PSD3: variants seen among roughly 807,000 people sequenced by gnomAD.
The protein encoded by PSD3 is pleckstrin and Sec7 domain containing 3.
In PSD3, 49 loss-of-function variants were observed where a neutral mutation model predicts 105.5. The ratio of observed to expected loss-of-function variants is 0.46; its 90% CI spans 0.37 to 0.59. PSD3 has a LOEUF of 0.59. Ranked by LOEUF, PSD3 falls within the 20% of genes least tolerant of loss-of-function variation. The probability of loss-of-function intolerance (pLI) is 0.00; values close to 1 mark genes in which losing one functional copy is unlikely to be tolerated. For missense variants in PSD3, 1,561 were observed against 1,263.8 expected (o/e 1.24, Z -3.57); for synonymous variants, 557 against 457.8 (o/e 1.22, Z -2.77).
intron 11 of PSD3, among the ~76,000 whole-genome samples, chr8:18,612,972 G>A (rs574482984): frequency 4.6e-5 from 7 of 152,062 alleles, no homozygotes; most frequent in African/African-American, 1.2e-4. Flanking sequence ...ATTACTAGAC[G>A]TGCAGGAAGA....
intron 4 of PSD3, among the ~76,000 whole-genome samples, chr8:18,815,250 T>C (rs890412215): frequency 2.6e-5 from 4 of 152,186 alleles, no homozygotes; most frequent in Non-Finnish European, 5.9e-5. Context: ...GGTTATATAA[T>C]GTCCAAATTT....
At chr8:18,892,626 CTTTT>C (rs111896561) in intron 2 of PSD3, among the ~76,000 whole-genome samples, 4 of 133,080 alleles carry the variant, frequency 3.0e-5, no homozygotes, top group Admixed American at 7.7e-5. Flanking sequence ...TCCTAATTTT[CTTTT>C]TTTTTTTTTT....
chr8:18,799,236 A>G (rs957496783), intron 8 of PSD3, 59 bp downstream of exon 8: 89 of 1,430,968 alleles, frequency 6.2e-5, no homozygotes, highest in Non-Finnish European at 8.4e-5. Flanking sequence ...GTGTTTGAAC[A>G]TAAAAGCAGA....
At position 19,078,933 on chromosome 8, in the gene PSD3, T is replaced by C. The variant is rs1041193167; in HGVS notation, c.324+5273A>G. On this transcript the variant is annotated intron_variant, in intron 1 of 1. Coordinates refer to the PSD3 transcript ENST00000521475. The stretch of plus-strand genomic sequence containing the variant: ...GAGGAGAGATGAAAAACAAGACCTA[T>C]TGGAGTTGCATTGAGCCCCTGTGTC... 4.6e-5 allele frequency among the ~76,000 whole-genome samples: 7 copies of C among 150,970 alleles called. No homozygotes were observed. The South Asian group carries it at 6.3e-4, about 14-fold the overall frequency.
At chr8:18,538,123 G>C (rs997155586) in intron 15 of PSD3, among the ~76,000 whole-genome samples, 1 of 152,210 alleles carries the variant, frequency 6.6e-6, no homozygotes, top group Non-Finnish European at 1.5e-5. Flanking sequence ...TTGACATGAT[G>C]AGCTGGATCC....
chr8:18,874,702 CAAA>C (rs746055038), intron 2 of PSD3, among the ~76,000 whole-genome samples: 2 of 52,828 alleles, frequency 3.8e-5, no homozygotes. Context: ...GACTCCATCT[CAAA>C]AAAAAAAAAA....
At chr8:18,781,582 T>C (rs1371659607) in intron 8 of PSD3, among the ~76,000 whole-genome samples, 2 of 152,210 alleles carry the variant, frequency 1.3e-5, no homozygotes, top group African/African-American at 4.8e-5. Context: ...GCTATTAGTG[T>C]GATAGGGATA....
chr8:18,886,566 A>C (rs958211179), intron 2 of PSD3, among the ~76,000 whole-genome samples: 2 of 152,162 alleles, frequency 1.3e-5, no homozygotes, highest in South Asian at 4.1e-4. Context: ...GATATATAAA[A>C]ATATATTTGC....
chr8:18,616,618 C>CTTTTTTTTTTTTTT (rs36197855), intron 11 of PSD3, among the ~76,000 whole-genome samples: 3 of 72,320 alleles, frequency 4.1e-5, no homozygotes, highest in African/African-American at 9.4e-5. Flanking sequence ...ATCTTCCTCT[C>CTTTTTTTTTTTTTT]TTTTCTTTTC....
At chr8:18,769,211 G>C (rs1807282417) in intron 8 of PSD3, among the ~76,000 whole-genome samples, 1 of 152,156 alleles carries the variant, frequency 6.6e-6, no homozygotes, top group Non-Finnish European at 1.5e-5. Flanking sequence ...CTTTTTCCAA[G>C]TCAGGTGGTG....
intron 2 of PSD3, among the ~76,000 whole-genome samples, chr8:18,901,886 G>A (rs1819525630): frequency 6.6e-6 from 1 of 152,162 alleles, no homozygotes; most frequent in Non-Finnish European, 1.5e-5. Flanking sequence ...TTTCTGCAGA[G>A]AAATGTGCTA....
At chr8:19,040,078 C>T (rs1323021894) in intron 1 of PSD3, among the ~76,000 whole-genome samples, 1 of 152,188 alleles carries the variant, frequency 6.6e-6, no homozygotes, top group Non-Finnish European at 1.5e-5. Flanking sequence ...TGAACGGAAA[C>T]AGCCTTTCAG....
intron 2 of PSD3, among the ~76,000 whole-genome samples, chr8:18,920,664 C>A (rs1038268604): frequency 6.6e-6 from 1 of 152,100 alleles, no homozygotes. Flanking sequence ...TCATTAGAAA[C>A]ATATTTTTCT....
At chr8:19,014,748 T>A (rs547198687), upstream of PSD3, among the ~76,000 whole-genome samples, 7 of 152,314 alleles carry the variant, frequency 4.6e-5, no homozygotes, top group South Asian at 1.2e-3. This position sits in a 1 kb window ranked among gnomAD's most constrained non-coding sequence, Gnocchi z 4.9. Context: ...GGTTCCCTGG[T>A]GGCCCCACGA....
intron 9 of PSD3, among the ~76,000 whole-genome samples, chr8:18,747,254 C>A (rs918935872): frequency 6.6e-6 from 1 of 152,130 alleles, no homozygotes; most frequent in African/African-American, 2.4e-5. Flanking sequence ...GTTAACGACA[C>A]TGGAAGGATC....
chr8:18,626,739 G>A (rs1369019492), intron 11 of PSD3, among the ~76,000 whole-genome samples: 1 of 152,092 alleles, frequency 6.6e-6, no homozygotes, highest in Non-Finnish European at 1.5e-5. Flanking sequence ...TTCCAAGAAG[G>A]AGCAGCAGCC....
At chr8:18,707,727 C>G (rs1010664217) in intron 9 of PSD3, among the ~76,000 whole-genome samples, 1 of 152,094 alleles carries the variant, frequency 6.6e-6, no homozygotes, top group Non-Finnish European at 1.5e-5. Flanking sequence ...AAATAAGGCT[C>G]ATTAGAAACA....
At chr8:18,748,660 CAA>C (rs760372508) in intron 9 of PSD3, among the ~76,000 whole-genome samples, 61 of 54,662 alleles carry the variant, frequency 1.1e-3, no homozygotes, top group Admixed American at 2.1e-3. Flanking sequence ...ACTCCGTCTC[CAA>C]AAAAAAAAAA....
intron 1 of PSD3, among the ~76,000 whole-genome samples, chr8:19,074,612 T>TATATATATATATATA (rs1491425890): frequency 2.8e-3 from 31 of 10,944 alleles, no homozygotes; most frequent in African/African-American, 3.6e-3. Context: ...TATATATATA[T>TATATATATATATATA]TTTTTTTTTT....
Sources: gnomAD v4.1 joint callset for allele counts (sites outside exome capture counted in the v4.1 genomes callset) on GRCh38, gnomAD v4.1.1 for gene constraint, Gnocchi (gnomAD v3.1) non-coding constraint, MANE v1.5 for transcripts, NCBI Gene and HGNC (gene_info 2026-07-23, HGNC 2026-07-21) for gene names.